SMCO1: variants seen among roughly 807,000 people sequenced by gnomAD.
SMCO1 encodes single-pass membrane protein with coiled-coil domains 1.
Under a neutral mutation model 7.5 loss-of-function variants are expected in SMCO1, and 9 were observed. The observed-to-expected ratio is 1.20, with a 90% CI of 0.72 to 2.09. The LOEUF is 2.09. Ranked by LOEUF, SMCO1 falls within the 30% of genes most tolerant of loss-of-function variation. The pLI is 0.00. For missense variants in SMCO1, 219 were observed against 253.1 expected, an observed-to-expected ratio of 0.87 and a Z score of 0.91; for synonymous variants, 90 against 93.8, an observed-to-expected ratio of 0.96 and a Z score of 0.23.
chr3:196,520,459 C>T, the SMCO1 span, among the ~76,000 whole-genome samples: 3,441 of 152,062 alleles, frequency 0.023, 126 homozygotes, highest in African/African-American at 0.078. Flanking sequence ...CCAGAACCCC[C>T]TCCAATCATG....
chr3:196,511,190 G>C (rs1463562978), intron 1 of SMCO1, among the ~76,000 whole-genome samples: 2 of 113,462 alleles, frequency 1.8e-5, no homozygotes, highest in African/African-American at 1.0e-4. Context: ...AACCTGCCTG[G>C]GCCACCTAGA....
chr3:196,516,064 T>TAC (rs1733383997), upstream of SMCO1, among the ~76,000 whole-genome samples: 4 of 137,632 alleles, frequency 2.9e-5, no homozygotes, highest in South Asian at 8.8e-4. Flanking sequence ...TAATTATATA[T>TAC]AATATATAAT....
At chr3:196,519,933 G>A (rs1184904130), upstream of SMCO1, among the ~76,000 whole-genome samples, 1 of 151,220 alleles carries the variant, frequency 6.6e-6, no homozygotes, top group Non-Finnish European at 1.5e-5. Context: ...AGGGAAAACA[G>A]TCGGGGGGGA....
At chr3:196,517,204 A>G (rs9826395), upstream of SMCO1, among the ~76,000 whole-genome samples, 10,950 of 151,412 alleles carry the variant, frequency 0.072, 1,223 homozygotes, top group African/African-American at 0.24. Flanking sequence ...TCAGCCACAA[A>G]GCTCCTAAAA....
intron 1 of SMCO1, among the ~76,000 whole-genome samples, chr3:196,510,021 C>T (rs1309703730): frequency 6.6e-6 from 1 of 152,128 alleles, no homozygotes. Flanking sequence ...CTCACTCTGT[C>T]ACCCAAACCG....
chr3:196,510,260 G>A (rs185695485), intron 1 of SMCO1, among the ~76,000 whole-genome samples: 2 of 152,300 alleles, frequency 1.3e-5, no homozygotes, highest in Admixed American at 1.3e-4. Context: ...GAGCCACCAT[G>A]CCCGGGCTAT....
upstream of SMCO1, among the ~76,000 whole-genome samples, chr3:196,517,565 T>C (rs568963214): frequency 4.9e-5 from 7 of 141,998 alleles, no homozygotes; most frequent in African/African-American, 8.8e-5. Flanking sequence ...TCTTCCTCTA[T>C]GCATCTCTAA....
At chr3:196,520,917 G>T in the SMCO1 span, among the ~76,000 whole-genome samples, 1 of 152,342 alleles carries the variant, frequency 6.6e-6, no homozygotes, top group East Asian at 1.9e-4. Context: ...TATAAACATT[G>T]TTAATCATTA....
chr3:196,515,988 GATATATATAT>G (rs200613159), upstream of SMCO1, among the ~76,000 whole-genome samples: 809 of 23,854 alleles, frequency 0.034, 8 homozygotes, highest in Non-Finnish European at 0.047. Flanking sequence ...AAGAGGATAG[GATATATATAT>G]ATATATATAT....
At chr3:196,509,216 A>ATTTTT (rs35933912) in intron 2 of SMCO1, among the ~76,000 whole-genome samples, 1 of 108,010 alleles carries the variant, frequency 9.3e-6, no homozygotes, top group Non-Finnish European at 1.8e-5. Context: ...CACCCGGCTA[A>ATTTTT]TTTTTTTTTT....
chr3:196,511,906 G>A (rs1318174916), intron 1 of SMCO1, among the ~76,000 whole-genome samples: 2 of 135,690 alleles, frequency 1.5e-5, no homozygotes. Flanking sequence ...CAAGTAGATT[G>A]TTGTTATGAG....
At chr3:196,515,983 G>GAGATATAT (rs1733371971), upstream of SMCO1, among the ~76,000 whole-genome samples, 1 of 81,874 alleles carries the variant, frequency 1.2e-5, no homozygotes, top group African/African-American at 3.4e-5. Flanking sequence ...CGGGCAAGAG[G>GAGATATAT]ATAGGATATA....
rs932447975 is a variant in SMCO1, at chr3:196,509,737, A to C, written c.51-68T>G. On this transcript the variant is annotated intron_variant, in intron 1 of 2. Coordinates refer to ENST00000397537, the MANE Select transcript of SMCO1 (RefSeq NM_001077657.3). ...AAAACTAAGGTTTTGATTTAAGCTG[A>C]GGCTCTAATACATTATTTACAACCA... The C allele has an allele frequency of 1.3e-5, 18 of 1,343,084 alleles. No homozygotes were observed. The African/African-American group carries it at 2.2e-4, about 16-fold the overall frequency. 83.2% of individuals were successfully genotyped at this position (1,343,084 alleles called of 1,614,324 possible). A position where few individuals can be genotyped will look rare whatever the true frequency, so the allele number is the denominator to read the frequency against.
chr3:196,520,166 G>A (rs1440593416), upstream of SMCO1, among the ~76,000 whole-genome samples: 2 of 152,148 alleles, frequency 1.3e-5, no homozygotes, highest in Non-Finnish European at 2.9e-5. Flanking sequence ...TTACCATCCT[G>A]GGGACAGACA....
At chr3:196,516,451 T>C (rs945449808), upstream of SMCO1, among the ~76,000 whole-genome samples, 2 of 152,110 alleles carry the variant, frequency 1.3e-5, no homozygotes, top group African/African-American at 4.8e-5. Flanking sequence ...GTAAATGATG[T>C]GTTCAGGAAA....
Position 196,510,431 on chromosome 3 carries a change from T to C in SMCO1, c.51-762A>G, listed in dbSNP as rs749271489. ...AAGTTAGCTAGTGCTGAGACCAGTA[T>C]ATAATCTGGATCTCCTCGGCAGGAA... On this transcript the variant is annotated intron_variant, in intron 1 of 2. Transcript: ENST00000397537. 6.1e-4 allele frequency among the ~76,000 whole-genome samples: 93 copies of C among 152,290 alleles called. 1 individual carries two copies. Among genetic ancestry groups the C allele is most frequent in the Non-Finnish European group, 1.2e-3 (84 of 68,022 alleles).
At chr3:196,518,374 C>T (rs1577539012), upstream of SMCO1, among the ~76,000 whole-genome samples, 1 of 152,356 alleles carries the variant, frequency 6.6e-6, no homozygotes, top group Non-Finnish European at 1.5e-5. Context: ...AAACTTTCCA[C>T]TCCTTAATCC....
At chr3:196,520,560 G>A in the SMCO1 span, among the ~76,000 whole-genome samples, 1 of 152,104 alleles carries the variant, frequency 6.6e-6, no homozygotes, top group South Asian at 2.1e-4. Flanking sequence ...TGGAAATGGT[G>A]CTATGAAGCT....
chr3:196,509,400 G>A, intron 2 of SMCO1, 120 bp downstream of exon 2: 1 of 893,116 alleles, frequency 1.1e-6, no homozygotes, highest in Non-Finnish European at 1.7e-6. Flanking sequence ...ATGAACCTAA[G>A]AAAATGTAAT....
Sources: allele counts gnomAD v4.1 joint callset (sites outside exome capture counted in the v4.1 genomes callset), GRCh38; gene constraint gnomAD v4.1.1; transcripts MANE v1.5; gene names NCBI Gene and HGNC (gene_info 2026-07-23, HGNC 2026-07-21).